Variants in ABCG1 observed in about 807,000 individuals in gnomAD.
ABCG1 encodes ATP-binding cassette sub-family G member 1.
Under a neutral mutation model 69.2 loss-of-function variants are expected in ABCG1, and 29 were observed. That is an observed-to-expected ratio of 0.42 (90% CI 0.31 to 0.57). The LOEUF (loss-of-function observed/expected upper bound fraction) is 0.57, where lower values mean the gene tolerates loss of function less well. Among genes scored for constraint, ABCG1 ranks in the 20% least tolerant of loss-of-function variants. ABCG1 has a pLI of 0.15. For synonymous variants in ABCG1, 370 were observed against 374.8 expected (o/e 0.99, Z 0.15); for missense variants, 718 against 898.1 (o/e 0.80, Z 2.56).
upstream of ABCG1, among the ~76,000 whole-genome samples, chr21:42,214,691 TG>T (rs1473304584): frequency 6.6e-6 from 1 of 152,196 alleles, no homozygotes; most frequent in Non-Finnish European, 1.5e-5. Context: ...TACTTACACT[TG>T]GGGCAGCATC....
At chr21:42,213,491 C>T (rs1017986159), upstream of ABCG1, among the ~76,000 whole-genome samples, 1 of 152,234 alleles carries the variant, frequency 6.6e-6, no homozygotes, top group Non-Finnish European at 1.5e-5. Context: ...GCAGAGAGCC[C>T]CCACCAGGAC....
Position 42,234,585 on chromosome 21 carries a change from C to A in ABCG1, c.286+8671C>A, listed in dbSNP as rs111286849. Reference sequence around the variant, plus strand: ...TCCACCCAGACGTTCCCTCCCAGGGCGGGATTCATCCTGGCCCGTGGTGAT... The same window carrying A: ...TCCACCCAGACGTTCCCTCCCAGGGAGGGATTCATCCTGGCCCGTGGTGAT... On this transcript the variant is annotated intron_variant, in intron 2 of 14. Coordinates refer to ENST00000398449, the MANE Select transcript of ABCG1 (RefSeq NM_016818.3). Among the ~76,000 whole-genome samples, 1,171 of 152,332 alleles carry A rather than the reference C, an allele frequency of 7.7e-3. 15 individuals are homozygous for A. The highest frequency in any genetic ancestry group is 0.027 in the African/African-American group (1,117 of 41,576).
At chr21:42,245,292 T>G (rs2068115106) in intron 2 of ABCG1, among the ~76,000 whole-genome samples, 1 of 152,186 alleles carries the variant, frequency 6.6e-6, no homozygotes, top group African/African-American at 2.4e-5. Flanking sequence ...GGCTCGCATA[T>G]AGGTCTAACT....
chr21:42,289,913 G>A, intron 10 of ABCG1, 137 bp from the exon 11 acceptor site: 1 of 912,816 alleles, frequency 1.1e-6, no homozygotes, highest in Non-Finnish European at 1.7e-6. Context: ...TTTCTCTGGA[G>A]GAGAAGACAG....
At position 42,291,712 on chromosome 21, in the gene ABCG1, C is replaced by A; in HGVS notation, c.1653+56C>A. The A allele has an allele frequency of 6.6e-7, 1 of 1,520,940 alleles. No homozygotes were observed. The highest frequency in any genetic ancestry group is 1.2e-5 in the South Asian group (1 of 81,982). 94.2% of individuals were successfully genotyped at this position (1,520,940 alleles called of 1,614,324 possible). A position where few individuals can be genotyped will look rare whatever the true frequency, so the allele number is the denominator to read the frequency against. On this transcript the variant is annotated intron_variant, in intron 13 of 14. Transcript: ENST00000398449. This position sits in a 1 kb window ranked among gnomAD's most constrained non-coding sequence, Gnocchi z 6.4. ...ATGACGGCTGGGCTTCCCTGAGCTA[C>A]CTTGGCCTGAGCTAGGGGGCTCTGC...
chr21:42,274,762 C>T (rs976470796), intron 4 of ABCG1, among the ~76,000 whole-genome samples: 3 of 148,038 alleles, frequency 2.0e-5, no homozygotes, highest in African/African-American at 7.6e-5. Context: ...TGTGAGCCAC[C>T]GTGCCCGGCA....
chr21:42,204,342 A>G (rs1157039663), intron 2 of ABCG1, among the ~76,000 whole-genome samples: 2 of 152,232 alleles, frequency 1.3e-5, no homozygotes, highest in Non-Finnish European at 2.9e-5. Flanking sequence ...AGGAGGAAGC[A>G]TTGAGTTGTT....
chr21:42,206,884 T>C (rs1194796993), intron 2 of ABCG1: 1 of 151,882 alleles, frequency 6.6e-6, no homozygotes, highest in Non-Finnish European at 1.5e-5. Context: ...TTTTTTTTTT[T>C]TTTCTTTCAG....
chr21:42,279,275 G>C (rs1264440530), intron 5 of ABCG1, among the ~76,000 whole-genome samples: 1 of 152,196 alleles, frequency 6.6e-6, no homozygotes, highest in Non-Finnish European at 1.5e-5. Context: ...GCGCTGGAGA[G>C]AGGGAATTCT....
Position 42,288,133 on chromosome 21 carries a change from T to C in ABCG1, c.1123-78T>C, listed in dbSNP as rs1181786774. 6.2e-7 allele frequency: 1 copy of C among 1,611,610 alleles called. No individual in the cohort carries two copies. Among genetic ancestry groups the C allele is most frequent in the Non-Finnish European group, 8.5e-7 (1 of 1,177,838 alleles). ...GCACGTGGCACCGTGCACTGCTGCA[T>C]GAGAGCTCTTTCCGAGCAAGAAGGA... On this transcript the variant is annotated intron_variant, in intron 9 of 14. Coordinates refer to ENST00000398449, the MANE Select transcript of ABCG1 (RefSeq NM_016818.3). The surrounding 1 kb of genome is among the most constrained non-coding windows in gnomAD (Gnocchi z 4.8).
intron 2 of ABCG1, among the ~76,000 whole-genome samples, chr21:42,228,783 C>T (rs1034195257): frequency 8.5e-5 from 13 of 152,196 alleles, no homozygotes; most frequent in Non-Finnish European, 2.9e-5. Flanking sequence ...TTTTTCCTGC[C>T]AAAGGGTGCT....
intron 1 of ABCG1, among the ~76,000 whole-genome samples, chr21:42,221,627 C>T (rs956978061): frequency 6.6e-6 from 1 of 152,226 alleles, no homozygotes; most frequent in African/African-American, 2.4e-5. Flanking sequence ...TTGGTATTTT[C>T]TTCTGGGCAG....
At position 42,245,523 on chromosome 21, in the gene ABCG1, G is replaced by A. The variant is rs552838519; in HGVS notation, c.286+19609G>A. On this transcript the variant is annotated intron_variant, in intron 2 of 14. Transcript: ENST00000398449. ...GCGGCCACACATCCTGCAATCCAGT[G>A]CAGACCAGATGGCCTCCCTGGCCAA... Among the ~76,000 whole-genome samples, 8 of 152,330 alleles carry A rather than the reference G, an allele frequency of 5.3e-5. No individual in the cohort carries two copies. The South Asian group carries it at 1.7e-3, about 32-fold the overall frequency.
chr21:42,279,850 C>T (rs1423750457), intron 5 of ABCG1, among the ~76,000 whole-genome samples: 1 of 152,210 alleles, frequency 6.6e-6, no homozygotes, highest in East Asian at 1.9e-4. Flanking sequence ...AGGCGCCTCC[C>T]AGGAGTAGCT....
At chr21:42,233,303 G>C (rs1227121298) in intron 2 of ABCG1, among the ~76,000 whole-genome samples, 2 of 152,130 alleles carry the variant, frequency 1.3e-5, no homozygotes, top group East Asian at 1.9e-4. Flanking sequence ...CCTATATTTA[G>C]AGTCCAAATC....
upstream of ABCG1, among the ~76,000 whole-genome samples, chr21:42,218,541 C>G (rs2067668014): frequency 6.6e-6 from 1 of 152,228 alleles, no homozygotes. Context: ...CCCTTTGTAA[C>G]CCAGCACTTA....
rs372521133 is a variant in ABCG1, at chr21:42,260,038, A to G, written c.287-11032A>G. The G allele has an allele frequency of 5.0e-5, 78 of 1,549,948 alleles. No homozygotes were observed. The South Asian group carries it at 8.6e-4, about 17-fold the overall frequency. ...TCAGTCCAAGTCCAGGGAGGGCCCCATCACCTGGGGGTGGTCGCTATCAGT... is the reference window on the plus strand; with the variant it reads ...TCAGTCCAAGTCCAGGGAGGGCCCCGTCACCTGGGGGTGGTCGCTATCAGT... On this transcript the variant is annotated intron_variant, in intron 2 of 14. Coordinates refer to ENST00000398449, the MANE Select transcript of ABCG1 (RefSeq NM_016818.3).
intron 5 of ABCG1, among the ~76,000 whole-genome samples, chr21:42,280,346 C>T (rs1030943268): frequency 2.0e-5 from 3 of 152,204 alleles, no homozygotes; most frequent in African/African-American, 4.8e-5. Context: ...GTGTTGTTCA[C>T]GGCCTTCCTT....
At chr21:42,230,140 G>T (rs959142250) in intron 2 of ABCG1, among the ~76,000 whole-genome samples, 1 of 152,202 alleles carries the variant, frequency 6.6e-6, no homozygotes, top group Non-Finnish European at 1.5e-5. Context: ...TAAAACTTTT[G>T]AGCTTGACAG....
Sources: gnomAD v4.1 joint callset for allele counts (sites outside exome capture counted in the v4.1 genomes callset) on GRCh38, gnomAD v4.1.1 for gene constraint, Gnocchi (gnomAD v3.1) non-coding constraint, MANE v1.5 for transcripts, NCBI Gene and HGNC (gene_info 2026-07-23, HGNC 2026-07-21) for gene names.